Variants in NPR3 observed in about 807,000 individuals in gnomAD.
NPR3 encodes natriuretic peptide receptor 3, also known as atrial natriuretic peptide receptor 3.
NPR3 carries 34 observed loss-of-function variants against 54.5 expected under a neutral mutation model. The observed-to-expected ratio is 0.62, with a 90% CI of 0.47 to 0.83. The LOEUF (loss-of-function observed/expected upper bound fraction) is 0.83. NPR3 is among the 40% of genes least tolerant of loss of function. NPR3 has a pLI of 0.00. For synonymous variants in NPR3, 289 were observed against 297.1 expected, an observed-to-expected ratio of 0.97 and a Z score of 0.28; for missense variants, 674 against 720.8, an observed-to-expected ratio of 0.94 and a Z score of 0.74.
intron 1 of NPR3, among the ~76,000 whole-genome samples, chr5:32,718,956 T>G (rs1389914676): frequency 6.6e-6 from 1 of 152,184 alleles, no homozygotes; most frequent in Non-Finnish European, 1.5e-5. Flanking sequence ...TGCTTCCAGT[T>G]TTTGCCCATT....
chr5:32,707,831 A>C (rs894093950), upstream of NPR3, among the ~76,000 whole-genome samples: 1 of 152,194 alleles, frequency 6.6e-6, no homozygotes, highest in Admixed American at 6.5e-5. Flanking sequence ...TACACTTCAA[A>C]GAATCACATG....
Position 32,711,876 on chromosome 5 carries a change from G to A in NPR3, c.100G>A (p.Gly34Ser). 6.8e-7 allele frequency: 1 copy of A among 1,464,848 alleles called. No homozygotes were observed. The highest frequency in any genetic ancestry group is 9.0e-7 in the Non-Finnish European group (1 of 1,110,800). 90.7% of individuals were successfully genotyped at this position (1,464,848 alleles called of 1,614,324 possible). The change falls in exon 1 of 8, where the codon GGT becomes AGT. Residue 34 changes from glycine to serine, a missense_variant. Transcript: ENST00000265074. ...TGGCGGTGGCGTTGGCGGCGGCGGC[G>A]GTGGCGCGGGCATAGGCGGCGGACG... ...TGGGGVGGGG[G>S]GAGIGGGRQE...
chr5:32,761,019 T>C (rs1452581567), intron 3 of NPR3, among the ~76,000 whole-genome samples: 1 of 152,162 alleles, frequency 6.6e-6, no homozygotes, highest in East Asian at 1.9e-4. Context: ...GTTCCATTTA[T>C]CTATTTGTCT....
chr5:32,773,408 C>A (rs1741873776), intron 3 of NPR3, among the ~76,000 whole-genome samples: 1 of 152,082 alleles, frequency 6.6e-6, no homozygotes, highest in African/African-American at 2.4e-5. Flanking sequence ...TGATTAGATG[C>A]CTACTGAAGA....
intron 3 of NPR3, among the ~76,000 whole-genome samples, chr5:32,772,886 G>T (rs10061944): frequency 2.6e-5 from 4 of 152,176 alleles, no homozygotes; most frequent in South Asian, 2.1e-4. Context: ...AACTGGAAAG[G>T]GGGGGCGAGG....
At position 32,790,412 on chromosome 5, in the gene NPR3, G is replaced by A. The variant is rs1182036422; in HGVS notation, c.*4067G>A. 1 of 167,264 alleles carries A rather than the reference G, an allele frequency of 6.0e-6. No homozygotes were observed. Among genetic ancestry groups the A allele is most frequent in the African/African-American group, 2.4e-5 (1 of 41,446 alleles). The allele number at this position is 167,264 out of a possible 1,614,324, so 10.4% of individuals were successfully genotyped here. A position where few individuals can be genotyped will look rare whatever the true frequency, so the allele number is the denominator to read the frequency against. On this transcript the variant is annotated 3_prime_UTR_variant, in exon 8 of 8. Coordinates refer to ENST00000265074, the MANE Select transcript of NPR3 (RefSeq NM_001204375.2). Reference sequence around the variant, plus strand: ...ATGTGTCAGCATCTTGCCCATGCAGGTAGAAATTTGTGAGTAGGCCTCCAT... The same window carrying A: ...ATGTGTCAGCATCTTGCCCATGCAGATAGAAATTTGTGAGTAGGCCTCCAT...
chr5:32,728,157 A>G (rs1019998395), intron 2 of NPR3, among the ~76,000 whole-genome samples: 2 of 152,178 alleles, frequency 1.3e-5, no homozygotes, highest in Non-Finnish European at 2.9e-5. Flanking sequence ...TATATTCATG[A>G]GTGAGATTCA....
rs1465403320 is a variant in NPR3, at chr5:32,711,607, C to T, written c.-170C>T. The stretch of plus-strand genomic sequence containing the variant: ...AAACTAGTGACATTGCAGAGAAGGA[C>T]GCTTCCTCTCTATCTTTTGGCGCAT... On this transcript the variant is annotated 5_prime_UTR_variant, in exon 1 of 8. In the 5' UTR this introduces an upstream ATG that the reference lacks. Coordinates refer to ENST00000265074, the MANE Select transcript of NPR3 (RefSeq NM_001204375.2). The T allele has an allele frequency of 1.6e-6, 2 of 1,246,044 alleles. No individual in the cohort carries two copies. The highest frequency in any genetic ancestry group is 1.6e-5 in the African/African-American group (1 of 63,900). 77.2% of individuals were successfully genotyped at this position (1,246,044 alleles called of 1,614,324 possible).
At chr5:32,779,245 G>T (rs544516635) in intron 4 of NPR3, among the ~76,000 whole-genome samples, 2 of 150,836 alleles carry the variant, frequency 1.3e-5, no homozygotes, top group African/African-American at 4.8e-5. Flanking sequence ...CCAAATCAGA[G>T]AACCAAATCA....
intron 4 of NPR3, among the ~76,000 whole-genome samples, chr5:32,775,363 C>T (rs760773590): frequency 4.6e-5 from 7 of 150,878 alleles, no homozygotes; most frequent in South Asian, 2.1e-4. Flanking sequence ...GGCACGATCT[C>T]GGCTCACTGC....
intron 2 of NPR3, among the ~76,000 whole-genome samples, chr5:32,728,711 G>C (rs1166196716): frequency 6.6e-6 from 1 of 150,650 alleles, no homozygotes; most frequent in African/African-American, 2.4e-5. Context: ...AATAATTTCA[G>C]ATATAAAAAA....
upstream of NPR3, chr5:32,710,858 G>GTTTTTTT: frequency 1.9e-6 from 2 of 1,047,798 alleles, no homozygotes; most frequent in African/African-American, 2.9e-5. Context: ...CCCCAGTCCT[G>GTTTTTTT]GTTTTTTTTT....
chr5:32,774,875 G>A, intron 4 of NPR3, 32 bp downstream of exon 4: 1 of 1,554,660 alleles, frequency 6.4e-7, no homozygotes, highest in Non-Finnish European at 8.9e-7. Flanking sequence ...CAATTACATG[G>A]GGCCAAATGA....
chr5:32,775,748 C>G (rs1329064713), intron 4 of NPR3, among the ~76,000 whole-genome samples: 1 of 152,078 alleles, frequency 6.6e-6, no homozygotes, highest in Non-Finnish European at 1.5e-5. Context: ...CAAGCGTGTG[C>G]CATCACGCCT....
intron 1 of NPR3, 46 bp from the exon 2 acceptor site, chr5:32,724,652 G>C: frequency 6.2e-7 from 1 of 1,610,730 alleles, no homozygotes; most frequent in Non-Finnish European, 8.5e-7. Flanking sequence ...TGCTCGAAGT[G>C]CTCTGCAAAG....
chr5:32,727,106 C>T (rs1294499119), intron 2 of NPR3, among the ~76,000 whole-genome samples: 4 of 152,060 alleles, frequency 2.6e-5, no homozygotes, highest in Admixed American at 6.6e-5. Context: ...ATTGTTGGCT[C>T]AAAGGTTATG....
intron 3 of NPR3, among the ~76,000 whole-genome samples, chr5:32,747,998 C>T (rs1023728526): frequency 2.0e-5 from 3 of 152,184 alleles, no homozygotes; most frequent in African/African-American, 7.2e-5. Context: ...AAGCAATCCT[C>T]CTACCTCAGC....
At position 32,754,861 on chromosome 5, in the gene NPR3, A is replaced by G. The variant is rs1740751673; in HGVS notation, c.1059+15831A>G. ...TTTATACCCTATCTTAAAGAGATTT[A>G]ATTTCTTTTTTTCTTTTGAGACGGA... On this transcript the variant is annotated intron_variant, in intron 3 of 7. Coordinates refer to ENST00000265074, the MANE Select transcript of NPR3 (RefSeq NM_001204375.2). Among the ~76,000 whole-genome samples, 3 of 151,978 alleles carry G rather than the reference A, an allele frequency of 2.0e-5. No individual in the cohort carries two copies. In the South Asian group the frequency reaches 6.2e-4, roughly 31 times the overall value.
At chr5:32,725,146 A>G (rs1739075576) in intron 2 of NPR3, among the ~76,000 whole-genome samples, 1 of 151,764 alleles carries the variant, frequency 6.6e-6, no homozygotes, top group Non-Finnish European at 1.5e-5. Context: ...GGGTTAAAAA[A>G]CCCTGTTGGG....
Sources: allele counts gnomAD v4.1 joint callset (sites outside exome capture counted in the v4.1 genomes callset), GRCh38; gene constraint gnomAD v4.1.1; transcripts MANE v1.5; gene names NCBI Gene and HGNC (gene_info 2026-07-23, HGNC 2026-07-21).